Variants in ABHD12 observed in about 807,000 individuals in gnomAD.
ABHD12 encodes abhydrolase domain containing 12, lysophospholipase, also known as lysophosphatidylserine lipase ABHD12.
Under a neutral mutation model 58.3 loss-of-function variants are expected in ABHD12, and 43 were observed. That is an observed-to-expected ratio of 0.74 (90% confidence interval 0.58 to 0.95). The LOEUF is 0.95. Among genes scored for constraint, ABHD12 ranks in the 40% least tolerant of loss-of-function variants. The pLI, the probability that ABHD12 is intolerant of heterozygous loss-of-function variation, is 0.00. For missense variants in ABHD12, 539 were observed against 537.2 expected, an observed-to-expected ratio of 1.00 and a Z score of -0.03; for synonymous variants, 219 against 211.2, an observed-to-expected ratio of 1.04 and a Z score of -0.32.
intron 1 of ABHD12, among the ~76,000 whole-genome samples, chr20:25,348,007 C>G (rs2089543287): frequency 6.6e-6 from 1 of 150,914 alleles, no homozygotes; most frequent in Non-Finnish European, 1.5e-5. Flanking sequence ...GTCAGGAGAT[C>G]AAGATCATCC....
rs749606778 is a variant in ABHD12, at chr20:25,320,225, C to G, written c.516G>C (p.Leu172=). The G allele has an allele frequency of 6.2e-7, 1 of 1,614,134 alleles. No homozygotes were observed. The highest frequency in any genetic ancestry group is 1.7e-5 in the Admixed American group (1 of 60,026). ...DALASSHPII[L]YLHGNAGTRG... ...TGGTACCTGCGTTCCCATGCAGGTA[C>G]AGAATGATAGGGTGGCTGGAAGCCA... Residue 172 remains leucine, a synonymous_variant, in exon 4 of 13, where the codon CTG becomes CTC. Coordinates refer to ENST00000339157, the MANE Select transcript of ABHD12 (RefSeq NM_001042472.3).
Position 25,390,546 on chromosome 20 carries a change from GC to G in ABHD12, c.157del (p.Ala53GlnfsTer6), listed in dbSNP as rs2090160980. On this transcript the variant is annotated frameshift_variant, in exon 1 of 13. Transcript: ENST00000339157. LOFTEE classifies it high-confidence loss of function. Reference sequence around the variant, plus strand: ...CGCCCGCTTCATTCCCGCGTCGGCTGCGCAGCGCGGCTCAGCCGCCGCCGGG... The same window carrying G: ...CGCCCGCTTCATTCCCGCGTCGGCTGGCAGCGCGGCTCAGCCGCCGCCGGG... ...TGPAAAEPRC[A>X]ADAGMKRALG... 1 of 1,462,586 alleles carries G rather than the reference GC, an allele frequency of 6.8e-7. No homozygotes were observed. Among genetic ancestry groups the G allele is most frequent in the Non-Finnish European group, 9.0e-7 (1 of 1,113,240 alleles). 90.6% of individuals were successfully genotyped at this position (1,462,586 alleles called of 1,614,324 possible).
chr20:25,295,752 A>C (rs1174518838), downstream of ABHD12: 1 of 1,443,340 alleles, frequency 6.9e-7, no homozygotes, highest in Non-Finnish European at 9.7e-7. Context: ...TTATTTCCCA[A>C]GCTGAGTAGA....
At chr20:25,334,853 TAGA>T (rs1352715347) in intron 2 of ABHD12, among the ~76,000 whole-genome samples, 1 of 149,256 alleles carries the variant, frequency 6.7e-6, no homozygotes, top group African/African-American at 2.5e-5. Flanking sequence ...ATAAAAACCC[TAGA>T]AGAAAACCTA....
intron 6 of ABHD12, among the ~76,000 whole-genome samples, chr20:25,312,453 T>C (rs534165496): frequency 8.5e-5 from 10 of 117,768 alleles, no homozygotes; most frequent in South Asian, 5.4e-4. Flanking sequence ...GGTGCCGGGA[T>C]TGCAGACGGA....
At chr20:25,307,150 C>G (rs541459444) in intron 9 of ABHD12, among the ~76,000 whole-genome samples, 1 of 152,342 alleles carries the variant, frequency 6.6e-6, no homozygotes, top group South Asian at 2.1e-4. Context: ...CCAGGCCCCA[C>G]AGACTGGCAT....
chr20:25,375,845 G>T (rs2089955768), intron 1 of ABHD12, among the ~76,000 whole-genome samples: 3 of 152,162 alleles, frequency 2.0e-5, no homozygotes, highest in Non-Finnish European at 2.9e-5. Flanking sequence ...ATAATTAGCT[G>T]GGTGCAGTGG....
At chr20:25,314,529 A>G (rs1463318608) in intron 6 of ABHD12, among the ~76,000 whole-genome samples, 3 of 151,978 alleles carry the variant, frequency 2.0e-5, no homozygotes, top group Non-Finnish European at 4.4e-5. Context: ...AACAAAAACA[A>G]AACAGCGGGT....
At chr20:25,362,410 T>C (rs2089761896) in intron 1 of ABHD12, among the ~76,000 whole-genome samples, 1 of 148,690 alleles carries the variant, frequency 6.7e-6, no homozygotes, top group Non-Finnish European at 1.5e-5. Context: ...CTACTAAAAA[T>C]ACAAAAATCA....
chr20:25,330,905 G>T (rs553457176), intron 2 of ABHD12, among the ~76,000 whole-genome samples: 279 of 152,300 alleles, frequency 1.8e-3, no homozygotes, highest in Admixed American at 2.5e-3. Flanking sequence ...AAAGCAGAGC[G>T]CCTCTCCTCC....
chr20:25,356,191 C>A (rs1347077012), intron 1 of ABHD12, among the ~76,000 whole-genome samples: 1 of 152,230 alleles, frequency 6.6e-6, no homozygotes, highest in Non-Finnish European at 1.5e-5. Context: ...AGGGAAAAAA[C>A]ACATCCAGGG....
At chr20:25,327,509 C>T (rs2145993205) in intron 2 of ABHD12, among the ~76,000 whole-genome samples, 1 of 151,826 alleles carries the variant, frequency 6.6e-6, no homozygotes, top group Admixed American at 6.6e-5. Context: ...ACTACCATTG[C>T]AAAACTATAA....
rs1165244911 is a variant in ABHD12 at position 25,303,706 on chromosome 20, CT to C, written c.951-79del. On this transcript the variant is annotated intron_variant, in intron 10 of 12. Coordinates refer to ENST00000339157, the MANE Select transcript of ABHD12 (RefSeq NM_001042472.3). ...CAGACCCTCTGTCCATGGCAGGGAT[CT>C]GGGTTCAGGGTGTGTTTTGGGAAAC... 9.3e-5 allele frequency: 149 copies of C among 1,594,174 alleles called. No individual in the cohort carries two copies. In the East Asian group the frequency reaches 3.4e-3, roughly 36 times the overall value.
At chr20:25,310,123 C>T (rs957568374) in intron 6 of ABHD12, 38 of 159,794 alleles carry the variant, frequency 2.4e-4, no homozygotes, top group Middle Eastern at 6.6e-3. Context: ...ATGTGTCCCA[C>T]TCCGAGCCCT....
intron 1 of ABHD12, among the ~76,000 whole-genome samples, chr20:25,362,957 A>T (rs2089772750): frequency 6.7e-6 from 1 of 150,154 alleles, no homozygotes; most frequent in African/African-American, 2.5e-5. Flanking sequence ...ACAGGCGTGA[A>T]CCACTGTGCC....
At chr20:25,313,163 GAT>G (rs1194453924) in intron 6 of ABHD12, among the ~76,000 whole-genome samples, 1 of 152,222 alleles carries the variant, frequency 6.6e-6, no homozygotes, top group African/African-American at 2.4e-5. Flanking sequence ...GTGGGGAAAA[GAT>G]AGAGAAATCA....
At chr20:25,376,481 T>A (rs1343470912) in intron 1 of ABHD12, among the ~76,000 whole-genome samples, 1 of 152,206 alleles carries the variant, frequency 6.6e-6, no homozygotes, top group Non-Finnish European at 1.5e-5. Context: ...GAGGATTCAG[T>A]CGGCAGAACT....
chr20:25,350,907 T>TA (rs1295767530), intron 1 of ABHD12, among the ~76,000 whole-genome samples: 4 of 150,634 alleles, frequency 2.7e-5, no homozygotes, highest in African/African-American at 4.9e-5. Context: ...CCAGAGCATT[T>TA]AAAAAAAAGC....
Position 25,306,865 on chromosome 20 carries a change from T to C in ABHD12, c.918A>G (p.Thr306=), listed in dbSNP as rs779311807. The C allele has an allele frequency of 1.2e-6, 2 of 1,612,674 alleles. No homozygotes were observed. The highest frequency in any genetic ancestry group is 2.2e-5 in the East Asian group (1 of 44,872). ...GFDWFFLDPI[T]SSGIKFANDE... Reference sequence around the variant, plus strand: ...CATTTGCAAATTTAATTCCACTACTTGTAATAGGATCAAGGAAGAACCAGT... The same window carrying C: ...CATTTGCAAATTTAATTCCACTACTCGTAATAGGATCAAGGAAGAACCAGT... The change falls in exon 10 of 13, where the codon ACA becomes ACG. Residue 306 remains threonine (T), a synonymous_variant. Transcript: ENST00000339157.
Sources: gnomAD v4.1 joint callset for allele counts (sites outside exome capture counted in the v4.1 genomes callset) on GRCh38, gnomAD v4.1.1 for gene constraint, MANE v1.5 for transcripts, NCBI Gene and HGNC (gene_info 2026-07-23, HGNC 2026-07-21) for gene names.